NRXN1: variants seen among roughly 807,000 people sequenced by gnomAD.
NRXN1 encodes the protein neurexin 1, also known as neurexin-1.
Under a neutral mutation model 150.9 loss-of-function variants are expected in NRXN1, and 39 were observed. The ratio of observed to expected loss-of-function variants is 0.26; its 90% confidence interval spans 0.20 to 0.34. NRXN1 has a LOEUF of 0.34. Ranked by LOEUF, NRXN1 falls within the 10% of genes least tolerant of loss-of-function variation. The probability of loss-of-function intolerance (pLI) is 1.00; values close to 1 mark genes in which losing one functional copy is unlikely to be tolerated. For synonymous variants in NRXN1, 924 were observed against 757.0 expected (o/e 1.22, Z -3.62); for missense variants, 1,815 against 1,949.9 (o/e 0.93, Z 1.30).
In NRXN1 at chr2:50,945,897, T is replaced by C. The variant is rs199989927; in HGVS notation, c.773-19942A>G. Among the ~76,000 whole-genome samples the C allele has an allele frequency of 2.4e-3, 352 of 143,908 alleles. 5 individuals are homozygous for C. Among genetic ancestry groups the C allele is most frequent in the African/African-American group, 8.7e-3 (336 of 38,792 alleles). 94.4% of individuals were successfully genotyped at this position (143,908 alleles called of 152,430 possible). A position where few individuals can be genotyped will look rare whatever the true frequency, so the allele number is the denominator to read the frequency against. On this transcript the variant is annotated intron_variant, in intron 2 of 22. Transcript: ENST00000401669. ...AAACAGATATATATATATATATATA[T>C]ATACACACACACACACACACACACA... is the stretch of plus-strand genomic sequence containing the variant.
At chr2:50,578,890 C>T (rs569123717) in intron 8 of NRXN1, among the ~76,000 whole-genome samples, 7 of 152,056 alleles carry the variant, frequency 4.6e-5, no homozygotes, top group South Asian at 4.2e-4. Context: ...ATTACATGAA[C>T]GAAATCCACG....
At chr2:50,299,850 G>A (rs1317682981) in intron 17 of NRXN1, among the ~76,000 whole-genome samples, 1 of 152,070 alleles carries the variant, frequency 6.6e-6, no homozygotes, top group Non-Finnish European at 1.5e-5. Context: ...AAGTCTTTAT[G>A]AACAAATCCA....
chr2:50,723,889 C>T (rs576201019), intron 5 of NRXN1, among the ~76,000 whole-genome samples: 1 of 152,266 alleles, frequency 6.6e-6, no homozygotes, highest in East Asian at 1.9e-4. Flanking sequence ...TGAAAAACAT[C>T]CTAATTTATA....
intron 5 of NRXN1, among the ~76,000 whole-genome samples, chr2:50,868,154 TA>T (rs1257632903): frequency 1.8e-5 from 1 of 57,112 alleles, no homozygotes; most frequent in South Asian, 6.2e-4. Flanking sequence ...TATATATATA[TA>T]TATATATATA....
chr2:50,243,466 A>G (rs1043377375), intron 17 of NRXN1, among the ~76,000 whole-genome samples: 2 of 151,766 alleles, frequency 1.3e-5, no homozygotes, highest in Non-Finnish European at 2.9e-5. Context: ...TACGTTGTTG[A>G]CTACTTATTA....
intron 19 of NRXN1, among the ~76,000 whole-genome samples, chr2:50,072,803 C>G (rs1696496985): frequency 6.6e-6 from 1 of 152,080 alleles, no homozygotes; most frequent in Non-Finnish European, 1.5e-5. Flanking sequence ...CTGAAAATGC[C>G]TAGGCACAGT....
intron 8 of NRXN1, among the ~76,000 whole-genome samples, chr2:50,602,621 G>GC (rs1218544794): frequency 1.3e-5 from 2 of 151,472 alleles, no homozygotes; most frequent in Admixed American, 6.6e-5. Context: ...CTCCCTTTCT[G>GC]CCCCCTTTGC....
At chr2:50,594,689 A>C (rs184499820) in intron 8 of NRXN1, among the ~76,000 whole-genome samples, 11 of 152,292 alleles carry the variant, frequency 7.2e-5, no homozygotes, top group Non-Finnish European at 1.3e-4. Flanking sequence ...TGAAGAAATA[A>C]GATACATTTA....
chr2:49,940,581 C>G (rs555037893), intron 22 of NRXN1, among the ~76,000 whole-genome samples: 2 of 152,032 alleles, frequency 1.3e-5, no homozygotes, highest in Non-Finnish European at 2.9e-5. Context: ...CAAAAACAAA[C>G]AGAAAAACAC....
chr2:50,282,089 T>A (rs1168918976), intron 17 of NRXN1, among the ~76,000 whole-genome samples: 2 of 152,176 alleles, frequency 1.3e-5, no homozygotes, highest in Admixed American at 1.3e-4. Context: ...CTTTTTAGTT[T>A]TATGGTCTTT....
chr2:50,971,907 G>A (rs1656951170), intron 2 of NRXN1, among the ~76,000 whole-genome samples: 1 of 152,030 alleles, frequency 6.6e-6, no homozygotes, highest in South Asian at 2.1e-4. Context: ...TACTCTACCA[G>A]TTTGATATAA....
In NRXN1 at chr2:50,542,174, G is replaced by A. The variant is rs189123295; in HGVS notation, c.1760-3538C>T. ...TGCATGCCTGTAATCTCAGCTACTC[G>A]GGAGGCTGAGGCAGGAGAATCGCTT... On this transcript the variant is annotated intron_variant, in intron 9 of 22. Coordinates refer to ENST00000401669, the MANE Select transcript of NRXN1 (RefSeq NM_001330078.2). Among the ~76,000 whole-genome samples the A allele has an allele frequency of 3.3e-3, 505 of 152,152 alleles. 4 individuals are homozygous for A. Among genetic ancestry groups the A allele is most frequent in the African/African-American group, 0.012 (488 of 41,508 alleles).
At chr2:50,906,207 G>C (rs944986549) in intron 5 of NRXN1, among the ~76,000 whole-genome samples, 10 of 152,186 alleles carry the variant, frequency 6.6e-5, no homozygotes, top group African/African-American at 2.2e-4. Context: ...CACAGGGATA[G>C]AATTACATAC....
At chr2:50,744,912 G>C (rs1293123724) in intron 5 of NRXN1, among the ~76,000 whole-genome samples, 2 of 152,074 alleles carry the variant, frequency 1.3e-5, no homozygotes, top group Non-Finnish European at 2.9e-5. Flanking sequence ...GAGAAAAAAT[G>C]ATAACTGAAT....
intron 21 of NRXN1, among the ~76,000 whole-genome samples, chr2:50,036,184 TG>T (rs1405441330): frequency 4.6e-5 from 7 of 152,140 alleles, no homozygotes; most frequent in Admixed American, 4.6e-4. Context: ...AACTGAATCA[TG>T]GGGGAGGTCT....
At chr2:50,075,569 GGTGACAAAT>G (rs1308857347) in intron 19 of NRXN1, among the ~76,000 whole-genome samples, 8 of 152,300 alleles carry the variant, frequency 5.3e-5, no homozygotes, top group South Asian at 2.1e-4. Context: ...TATTACAGGA[GGTGACAAAT>G]GTTCCAGATT....
chr2:50,110,428 C>A (rs1162085730), intron 18 of NRXN1, among the ~76,000 whole-genome samples: 2 of 143,808 alleles, frequency 1.4e-5, no homozygotes, highest in East Asian at 2.1e-4. Context: ...GGAGGCGGAG[C>A]TTGCAGTGAG....
At chr2:50,512,295 C>G (rs1652340404) in intron 12 of NRXN1, among the ~76,000 whole-genome samples, 1 of 152,100 alleles carries the variant, frequency 6.6e-6, no homozygotes, top group Non-Finnish European at 1.5e-5. Context: ...CTCTTCTACC[C>G]AAGAATTACT....
intron 7 of NRXN1, among the ~76,000 whole-genome samples, chr2:50,620,555 AGTT>A (rs1679826259): frequency 6.6e-6 from 1 of 152,162 alleles, no homozygotes; most frequent in Non-Finnish European, 1.5e-5. Context: ...AGTAAGGTTT[AGTT>A]GTCTGTTATT....
Sources: allele counts gnomAD v4.1 joint callset (sites outside exome capture counted in the v4.1 genomes callset), GRCh38; gene constraint gnomAD v4.1.1; transcripts MANE v1.5; gene names NCBI Gene and HGNC (gene_info 2026-07-23, HGNC 2026-07-21).